Variants in SLC25A21 observed in about 807,000 individuals in gnomAD.
SLC25A21 encodes the protein solute carrier family 25 member 21.
In SLC25A21, 47 loss-of-function variants were observed where a neutral mutation model predicts 43.8. That is an observed-to-expected ratio of 1.07 (90% CI 0.85 to 1.37). The LOEUF is 1.37. Ranked by LOEUF, SLC25A21 falls within the 40% of genes most tolerant of loss-of-function variation. The pLI, the probability that SLC25A21 is intolerant of heterozygous loss-of-function variation, is 0.00. For missense variants in SLC25A21, 352 were observed against 350.2 expected (o/e 1.00, Z -0.04); for synonymous variants, 131 against 121.3 (o/e 1.08, Z -0.52).
chr14:36,812,045 A>T lies in SLC25A21; in HGVS notation c.203+1873T>A, dbSNP rs575573643. Among the ~76,000 whole-genome samples, 4 of 152,330 alleles carry T rather than the reference A, an allele frequency of 2.6e-5. No homozygotes were observed. The South Asian group carries it at 8.3e-4, about 32-fold the overall frequency. ...CCTACATAATAGTCAAAGGATTAGT[A>T]TCTATAATACATAATAAGTACCTAC... On this transcript the variant is annotated intron_variant, in intron 3 of 9. Transcript: ENST00000331299.
chr14:37,113,699 C>T (rs1963059181), intron 1 of SLC25A21, among the ~76,000 whole-genome samples: 1 of 151,744 alleles, frequency 6.6e-6, no homozygotes, highest in Non-Finnish European at 1.5e-5. Flanking sequence ...ACTAAAAACA[C>T]AAAAATTAGC....
chr14:36,851,691 G>C (rs770858986), intron 2 of SLC25A21, among the ~76,000 whole-genome samples: 1 of 152,044 alleles, frequency 6.6e-6, no homozygotes, highest in Non-Finnish European at 1.5e-5. Context: ...ATAATGTCTG[G>C]GTATTCAAAA....
chr14:36,701,571 T>A (rs559567316), intron 7 of SLC25A21, among the ~76,000 whole-genome samples: 3 of 152,204 alleles, frequency 2.0e-5, no homozygotes, highest in Non-Finnish European at 4.4e-5. Context: ...CCCACTTAGC[T>A]CAAATTATAA....
At chr14:36,750,935 T>C (rs1295607234) in intron 3 of SLC25A21, among the ~76,000 whole-genome samples, 1 of 152,152 alleles carries the variant, frequency 6.6e-6, no homozygotes, top group Non-Finnish European at 1.5e-5. Context: ...TGGCCATCTC[T>C]GGCCTCTGAG....
At chr14:36,850,983 A>G (rs1190964239) in intron 2 of SLC25A21, among the ~76,000 whole-genome samples, 1 of 152,218 alleles carries the variant, frequency 6.6e-6, no homozygotes, top group Non-Finnish European at 1.5e-5. Flanking sequence ...AATGGTCACT[A>G]AAGATTATGA....
rs185699235 is a variant in SLC25A21 at position 37,076,558 on chromosome 14, G to A, written c.70+95723C>T. Among the ~76,000 whole-genome samples the A allele has an allele frequency of 6.0e-5, 9 of 150,300 alleles. No individual in the cohort carries two copies. The East Asian group carries it at 1.4e-3, about 23-fold the overall frequency. ...GGCTGGAGTGCAGTGCAGCGATCTC[G>A]GCTCACTGCAACCTCTGCCTCCCAG... On this transcript the variant is annotated intron_variant, in intron 1 of 9. Transcript: ENST00000331299.
At chr14:36,885,612 T>A (rs552913989) in intron 1 of SLC25A21, among the ~76,000 whole-genome samples, 15 of 152,360 alleles carry the variant, frequency 9.8e-5, no homozygotes, top group African/African-American at 3.6e-4. Context: ...TCTTTCCATT[T>A]ACTTGTATTG....
intron 1 of SLC25A21, among the ~76,000 whole-genome samples, chr14:36,945,370 C>G (rs1487390114): frequency 6.6e-6 from 1 of 152,024 alleles, no homozygotes; most frequent in Non-Finnish European, 1.5e-5. Flanking sequence ...GGGCATATAC[C>G]CCAAAGAACT....
chr14:36,857,339 T>C (rs539335977), intron 2 of SLC25A21, among the ~76,000 whole-genome samples: 1 of 151,822 alleles, frequency 6.6e-6, no homozygotes, highest in Admixed American at 6.6e-5. Context: ...ACTGCGGGAG[T>C]CTCTATTTAA....
chr14:36,832,327 A>C (rs1375646175), intron 2 of SLC25A21, among the ~76,000 whole-genome samples: 1 of 152,162 alleles, frequency 6.6e-6, no homozygotes, highest in Admixed American at 6.6e-5. Context: ...TCCCATATAA[A>C]TTTTATGCCT....
At chr14:36,929,129 C>T (rs930882945) in intron 1 of SLC25A21, among the ~76,000 whole-genome samples, 1 of 151,984 alleles carries the variant, frequency 6.6e-6, no homozygotes, top group Non-Finnish European at 1.5e-5. Flanking sequence ...CCATGTAAGA[C>T]CTCCATAAAA....
At chr14:37,106,738 C>T (rs902448174) in intron 1 of SLC25A21, among the ~76,000 whole-genome samples, 2 of 102,600 alleles carry the variant, frequency 1.9e-5, no homozygotes, top group African/African-American at 5.7e-5. Context: ...TCTTACACCC[C>T]CTCCCCTTTT....
At chr14:36,936,434 C>G (rs1892426142) in intron 1 of SLC25A21, among the ~76,000 whole-genome samples, 1 of 152,096 alleles carries the variant, frequency 6.6e-6, no homozygotes, top group African/African-American at 2.4e-5. Flanking sequence ...AGATAAGCTC[C>G]TGAAATGATT....
intron 2 of SLC25A21, among the ~76,000 whole-genome samples, chr14:36,844,798 A>C (rs1013441335): frequency 3.3e-5 from 5 of 152,216 alleles, no homozygotes; most frequent in Non-Finnish European, 7.3e-5. Flanking sequence ...CAGCTCAGTA[A>C]TAAAGTTTAA....
In SLC25A21 at chr14:37,169,604, C is replaced by CACACACACACAG. The variant is rs1242965821; in HGVS notation, c.70+2676_70+2677insCTGTGTGTGTGT. ...TAACACACACACACACACACACACA[C>CACACACACACAG]ACAGAAGTGTTGTATTCATGGACAA... On this transcript the variant is annotated intron_variant, in intron 1 of 9. Coordinates refer to ENST00000331299, the MANE Select transcript of SLC25A21 (RefSeq NM_030631.4). Among the ~76,000 whole-genome samples, 354 of 151,306 alleles carry CACACACACACAG rather than the reference C, an allele frequency of 2.3e-3. 4 individuals are homozygous for CACACACACACAG. Among genetic ancestry groups the CACACACACACAG allele is most frequent in the South Asian group, 0.013 (61 of 4,730 alleles).
At chr14:36,909,292 G>A (rs946684134) in intron 1 of SLC25A21, among the ~76,000 whole-genome samples, 1 of 152,150 alleles carries the variant, frequency 6.6e-6, no homozygotes, top group African/African-American at 2.4e-5. Flanking sequence ...CTGCAGCCTT[G>A]CAAGGGGATG....
intron 2 of SLC25A21, among the ~76,000 whole-genome samples, chr14:36,846,582 A>C (rs1021929149): frequency 6.6e-6 from 1 of 152,100 alleles, no homozygotes; most frequent in Non-Finnish European, 1.5e-5. Context: ...GGGTTCCACC[A>C]TGTTGGCCAG....
chr14:36,678,404 G>T lies in SLC25A21; in HGVS notation c.*2254C>A. On this transcript the variant is annotated 3_prime_UTR_variant, in exon 10 of 10. Coordinates refer to ENST00000331299, the MANE Select transcript of SLC25A21 (RefSeq NM_030631.4). ...GATTATAACTTCAGGAGAAGAATAA[G>T]CAGAAGGAGCAGATGAACTCTCAGG... The T allele has an allele frequency of 8.7e-7, 1 of 1,155,350 alleles. No homozygotes were observed. Among genetic ancestry groups the T allele is most frequent in the Non-Finnish European group, 1.2e-6 (1 of 801,278 alleles). 71.6% of individuals were successfully genotyped at this position (1,155,350 alleles called of 1,614,324 possible).
chr14:36,843,156 C>T (rs1228290509), intron 2 of SLC25A21, among the ~76,000 whole-genome samples: 5 of 152,214 alleles, frequency 3.3e-5, no homozygotes, highest in African/African-American at 7.2e-5. Context: ...TCCTAACAGG[C>T]CACAGACCAG....
Sources: gnomAD v4.1 joint callset for allele counts (sites outside exome capture counted in the v4.1 genomes callset) on GRCh38, gnomAD v4.1.1 for gene constraint, MANE v1.5 for transcripts, NCBI Gene and HGNC (gene_info 2026-07-23, HGNC 2026-07-21) for gene names.